Variants in SLC47A1 observed in about 807,000 individuals in gnomAD.
SLC47A1 encodes the protein solute carrier family 47 member 1, also known as multidrug and toxin extrusion protein 1.
In SLC47A1, 58 loss-of-function variants were observed where a neutral mutation model predicts 65.8. The observed-to-expected ratio is 0.88, with a 90% CI of 0.71 to 1.10. The LOEUF (loss-of-function observed/expected upper bound fraction) is 1.10, where lower values mean the gene tolerates loss of function less well. Among genes scored for constraint, SLC47A1 ranks in the 50% least tolerant of loss-of-function variants. The pLI is 0.00. For synonymous variants in SLC47A1, 285 were observed against 295.0 expected (o/e 0.97, Z 0.35); for missense variants, 706 against 719.2 (o/e 0.98, Z 0.21).
chr17:19,534,196 G>A, intron 1 of SLC47A1, 122 bp downstream of exon 1: 1 of 1,272,824 alleles, frequency 7.9e-7, no homozygotes, highest in South Asian at 1.8e-5. Context: ...GGCGGGCTCC[G>A]GGGAGCATCG....
Position 19,566,787 on chromosome 17 carries a change from CAG to C in SLC47A1, c.1108_1109del, listed in dbSNP as rs2084361279. The stretch of plus-strand genomic sequence containing the variant: ...ATCACCACGTGCTTTATTTTCCTAA[CAG>C]AGACATCATTAATCTGGTGGCTCAG... On this transcript the variant is annotated splice_acceptor_variant, in intron 12 of 16. Transcript: ENST00000270570. LOFTEE classifies it high-confidence loss of function. 1 of 1,614,056 alleles carries C rather than the reference CAG, an allele frequency of 6.2e-7. No individual in the cohort carries two copies. The highest frequency in any genetic ancestry group is 1.3e-5 in the African/African-American group (1 of 75,042).
rs754100607 is a variant in SLC47A1, at chr17:19,571,513, C to A, written c.1345C>A (p.Gln449Lys). 5.0e-6 allele frequency: 8 copies of A among 1,614,096 alleles called. 1 individual carries two copies. In the Middle Eastern group the frequency reaches 9.9e-4, roughly 200 times the overall value. ...WSGIIICTVF[Q>K]AVCFLGFIIQ... Reference sequence around the variant, plus strand: ...AGGGATCATCATCTGTACAGTCTTTCAAGCTGTGTGTTTTCTAGGCTTTAT... The same window carrying A: ...AGGGATCATCATCTGTACAGTCTTTAAAGCTGTGTGTTTTCTAGGCTTTAT... The change falls in exon 15 of 17, where the codon CAA (glutamine) becomes AAA (lysine). Residue 449 changes from glutamine (Q) to lysine (K), a missense_variant. Coordinates refer to ENST00000270570, the MANE Select transcript of SLC47A1 (RefSeq NM_018242.3).
chr17:19,554,731 C>T (rs941396244), intron 6 of SLC47A1, among the ~76,000 whole-genome samples: 8 of 152,214 alleles, frequency 5.3e-5, no homozygotes, highest in African/African-American at 1.9e-4. Context: ...GATGTTTCAC[C>T]AGTCCTGTAC....
chr17:19,540,030 C>T (rs552464416), intron 1 of SLC47A1, among the ~76,000 whole-genome samples: 4 of 152,262 alleles, frequency 2.6e-5, no homozygotes, highest in East Asian at 1.9e-4. Context: ...GGCAGAGCTG[C>T]GGCAGCTCTC....
At chr17:19,552,655 G>A (rs1916484631) in intron 6 of SLC47A1, among the ~76,000 whole-genome samples, 1 of 152,196 alleles carries the variant, frequency 6.6e-6, no homozygotes. Context: ...ATGGAAGTAG[G>A]AGCCACGAGC....
In SLC47A1 at chr17:19,547,986, C is replaced by T. The variant is rs376684832; in HGVS notation, c.308C>T (p.Thr103Met). The T allele has an allele frequency of 6.0e-5, 97 of 1,611,098 alleles. No individual in the cohort carries two copies. The highest frequency in any genetic ancestry group is 1.3e-4 in the East Asian group (6 of 44,820). The change falls in exon 4 of 17, where the codon ACG becomes ATG. Residue 103 changes from threonine to methionine, a missense_variant and splice_region_variant. Thr to Met is a moderately conservative substitution (Grantham distance 81). Coordinates refer to ENST00000270570, the MANE Select transcript of SLC47A1 (RefSeq NM_018242.3). The stretch of plus-strand genomic sequence containing the variant: ...TCATTTTGGCTGTGTGCACCCCAGA[C>T]GTACGGGAGCCAGAACCTGAAGCAC... ...SSACDTLISQ[T>M]YGSQNLKHVG...
chr17:19,543,214 A>T (rs1286759227), intron 2 of SLC47A1, among the ~76,000 whole-genome samples: 1 of 150,910 alleles, frequency 6.6e-6, no homozygotes, highest in Admixed American at 6.6e-5. Flanking sequence ...GGTTCAAGCA[A>T]TTCTCCTGTC....
chr17:19,571,610 C>A, intron 15 of SLC47A1, 38 bp downstream of exon 15: 1 of 1,515,134 alleles, frequency 6.6e-7, no homozygotes, highest in South Asian at 1.2e-5. Flanking sequence ...AGGTTCCTCT[C>A]CTAGAAAAAC....
chr17:19,578,039 G>A lies in SLC47A1; in HGVS notation c.*486G>A. On this transcript the variant is annotated 3_prime_UTR_variant, in exon 17 of 17. Coordinates refer to ENST00000270570, the MANE Select transcript of SLC47A1 (RefSeq NM_018242.3). ...GCTCTGTCATGCAGGCTGGAGTGCG[G>A]TGGTGCGATCATAGCTCACTGCAGC... 3 of 1,138,888 alleles carry A rather than the reference G, an allele frequency of 2.6e-6. No individual in the cohort carries two copies. Among genetic ancestry groups the A allele is most frequent in the Non-Finnish European group, 3.5e-6 (3 of 852,712 alleles). The allele number at this position is 1,138,888 out of a possible 1,614,324, so 70.5% of individuals were successfully genotyped here.
chr17:19,539,186 C>T (rs1315332292), intron 1 of SLC47A1, among the ~76,000 whole-genome samples: 1 of 152,120 alleles, frequency 6.6e-6, no homozygotes, highest in Non-Finnish European at 1.5e-5. Context: ...GCTGCGATTG[C>T]AGGGATAAGC....
At chr17:19,573,559 C>A (rs963841351) in intron 16 of SLC47A1, among the ~76,000 whole-genome samples, 2 of 151,408 alleles carry the variant, frequency 1.3e-5, no homozygotes, top group African/African-American at 2.4e-5. Context: ...GAGGGTCTTG[C>A]CCTGTTGCCC....
chr17:19,551,121 G>C (rs916541378), intron 5 of SLC47A1, among the ~76,000 whole-genome samples: 7 of 152,146 alleles, frequency 4.6e-5, no homozygotes, highest in Non-Finnish European at 1.0e-4. Flanking sequence ...GTGTGCCTGG[G>C]GCCTCCTTTC....
chr17:19,556,127 C>G, intron 10 of SLC47A1, 65 bp downstream of exon 10: 1 of 1,550,920 alleles, frequency 6.4e-7, no homozygotes, highest in Non-Finnish European at 8.9e-7. Flanking sequence ...CTGAAAGAGT[C>G]TATGGATGAG....
rs998101363 is a variant in SLC47A1 at position 19,542,293 on chromosome 17, A to C, written c.136-100A>C. The C allele has an allele frequency of 4.2e-5, 27 of 648,668 alleles. No homozygotes were observed. In the African/African-American group the frequency reaches 5.0e-4, roughly 12 times the overall value. 40.2% of individuals were successfully genotyped at this position (648,668 alleles called of 1,614,324 possible). The stretch of plus-strand genomic sequence containing the variant: ...AGGCTCACTGAAGTTGTATTTCTTT[A>C]CTTCTGACTGGACTTGTTGGGTCGG... On this transcript the variant is annotated intron_variant, in intron 1 of 16. Coordinates refer to ENST00000270570, the MANE Select transcript of SLC47A1 (RefSeq NM_018242.3).
In SLC47A1 at chr17:19,555,671, G is replaced by A. The variant is rs756557568; in HGVS notation, c.720G>A (p.Leu240=). The part of the protein sequence containing the change: ...LLFLYILGKK[L]HQATWGGWSL... ...TTCTCTACATCCTCGGGAAAAAACT[G>A]CATCAAGCTACATGGGGAGGTAATG... is the stretch of plus-strand genomic sequence containing the variant. Residue 240 remains leucine, a synonymous_variant, in exon 8 of 17, where the codon CTG becomes CTA. Coordinates refer to ENST00000270570, the MANE Select transcript of SLC47A1 (RefSeq NM_018242.3). 1.2e-6 allele frequency: 2 copies of A among 1,614,192 alleles called. No homozygotes were observed. Among genetic ancestry groups the A allele is most frequent in the Non-Finnish European group, 1.7e-6 (2 of 1,180,044 alleles).
In SLC47A1 at chr17:19,573,259, T is replaced by G. The variant is rs148651857; in HGVS notation, c.1486+398T>G. On this transcript the variant is annotated intron_variant, in intron 16 of 16. Transcript: ENST00000270570. ...TTGGACCTTTGCTTCTGATTCACATTGTGCAAATGTGGTTATGGTTTTCTT... is the reference window on the plus strand; with the variant it reads ...TTGGACCTTTGCTTCTGATTCACATGGTGCAAATGTGGTTATGGTTTTCTT... Among the ~76,000 whole-genome samples, 778 of 152,324 alleles carry G rather than the reference T, an allele frequency of 5.1e-3. 6 individuals carry two copies. The highest frequency in any genetic ancestry group is 0.018 in the African/African-American group (742 of 41,570).
In SLC47A1 at chr17:19,548,031, G is replaced by T. The variant is rs77138970; in HGVS notation, c.353G>T (p.Arg118Leu). 6.2e-7 allele frequency: 1 copy of T among 1,614,060 alleles called. No individual in the cohort carries two copies. The change falls in exon 4 of 17, where the codon CGG becomes CTG. Residue 118 changes from arginine (R) to leucine (L), a missense_variant. By Grantham distance (102) the Arg-to-Leu change is moderately radical (BLOSUM62 -2). Transcript: ENST00000270570. ...AAGCACGTGGGCGTGATCCTGCAGCGGAGTGCGCTCGTCCTGCTCCTCTGC... is the reference window on the plus strand; with the variant it reads ...AAGCACGTGGGCGTGATCCTGCAGCTGAGTGCGCTCGTCCTGCTCCTCTGC... ...NLKHVGVILQ[R>L]SALVLLLCCF...
At position 19,577,535 on chromosome 17, in the gene SLC47A1, C is replaced by A; in HGVS notation, c.1695C>A (p.Phe565Leu). The change falls in exon 17 of 17, where the codon TTC (phenylalanine) becomes TTA (leucine). Residue 565 changes from phenylalanine to leucine, a missense_variant. Physicochemically the swap from Phe to Leu is conservative, Grantham distance 22 (BLOSUM62 0). Transcript: ENST00000270570. Reference sequence around the variant, plus strand: ...TGCTGGTGGGGATTTTAGTGAGATTCTATGTCAGAATTCAGTGACGTGGTA... The same window carrying A: ...TGCTGGTGGGGATTTTAGTGAGATTATATGTCAGAATTCAGTGACGTGGTA... Reference protein sequence around the residue: ...LILLVGILVRFYVRIQ With the variant: ...LILLVGILVRLYVRIQ 1 of 1,614,052 alleles carries A rather than the reference C, an allele frequency of 6.2e-7. No homozygotes were observed. Among genetic ancestry groups the A allele is most frequent in the South Asian group, 1.1e-5 (1 of 91,064 alleles).
intron 12 of SLC47A1, among the ~76,000 whole-genome samples, chr17:19,565,971 G>C (rs535578823): frequency 6.6e-6 from 1 of 152,262 alleles, no homozygotes; most frequent in Admixed American, 6.5e-5. Flanking sequence ...GAAATCTCAC[G>C]TCCCGCCTGG....
Sources: allele counts gnomAD v4.1 joint callset (sites outside exome capture counted in the v4.1 genomes callset), GRCh38; gene constraint gnomAD v4.1.1; transcripts MANE v1.5; gene names NCBI Gene and HGNC (gene_info 2026-07-23, HGNC 2026-07-21).